CPEB4: variants seen among roughly 807,000 people sequenced by gnomAD.
The protein encoded by CPEB4 is cytoplasmic polyadenylation element binding protein 4.
In CPEB4, 12 loss-of-function variants were observed where a neutral mutation model predicts 72.5. That is an observed-to-expected ratio of 0.17 (90% confidence interval 0.11 to 0.27). The LOEUF (loss-of-function observed/expected upper bound fraction) is 0.27, where lower values mean the gene tolerates loss of function less well. Among genes scored for constraint, CPEB4 ranks in the 10% least tolerant of loss-of-function variants. The pLI, the probability that CPEB4 is intolerant of heterozygous loss-of-function variation, is 1.00. For synonymous variants in CPEB4, 302 were observed against 326.3 expected, an observed-to-expected ratio of 0.93 and a Z score of 0.80; for missense variants, 614 against 908.5, an observed-to-expected ratio of 0.68 and a Z score of 4.17.
chr5:173,912,167 C>G (rs1581125285), intron 2 of CPEB4, among the ~76,000 whole-genome samples: 1 of 152,090 alleles, frequency 6.6e-6, no homozygotes, highest in South Asian at 2.1e-4. Context: ...GAAAGATGAT[C>G]TCCCACTCAG....
chr5:173,912,180 T>C (rs890148599), intron 2 of CPEB4, among the ~76,000 whole-genome samples: 2 of 152,170 alleles, frequency 1.3e-5, no homozygotes, highest in Non-Finnish European at 2.9e-5. Context: ...CCACTCAGAA[T>C]TGGCTTTATT....
chr5:173,935,504 A>G (rs1469576200), intron 3 of CPEB4, among the ~76,000 whole-genome samples: 2 of 152,242 alleles, frequency 1.3e-5, no homozygotes, highest in African/African-American at 2.4e-5. Context: ...TTATATAGCC[A>G]CTCTGCTTTG....
intron 2 of CPEB4, among the ~76,000 whole-genome samples, chr5:173,916,539 T>C (rs993404275): frequency 1.3e-5 from 2 of 152,252 alleles, no homozygotes; most frequent in African/African-American, 2.4e-5. Context: ...AAAAATGCTA[T>C]GTATTTAATT....
In CPEB4 at chr5:173,952,013, T is replaced by C. The variant is rs1256352490; in HGVS notation, c.1780+75T>C. Reference sequence around the variant, plus strand: ...GAAGATCTTCAGGATAAATTTTTCCTAAGAATTGGAGTTAATATCCAAGAG... The same window carrying C: ...GAAGATCTTCAGGATAAATTTTTCCCAAGAATTGGAGTTAATATCCAAGAG... On this transcript the variant is annotated intron_variant, in intron 8 of 9. Transcript: ENST00000265085. 2.9e-6 allele frequency: 3 copies of C among 1,019,430 alleles called. No homozygotes were observed. In the African/African-American group the frequency reaches 4.7e-5, roughly 16 times the overall value. The allele number at this position is 1,019,430 out of a possible 1,614,324, so 63.1% of individuals were successfully genotyped here. A position where few individuals can be genotyped will look rare whatever the true frequency, so the allele number is the denominator to read the frequency against.
At chr5:173,919,899 T>C (rs1757012858) in intron 2 of CPEB4, among the ~76,000 whole-genome samples, 1 of 152,200 alleles carries the variant, frequency 6.6e-6, no homozygotes, top group Admixed American at 6.5e-5. Context: ...ATTTCTTGTT[T>C]TTCCCCCTCA....
chr5:173,888,579 A>G lies in CPEB4; in HGVS notation c.-1155A>G. On this transcript the variant is annotated 5_prime_UTR_variant, in exon 1 of 10. Transcript: ENST00000265085. The surrounding 1 kb of genome is among the most constrained non-coding windows in gnomAD (Gnocchi z 4.3). ...GCCCAGCAACCGTGAGGAGAAACAA[A>G]AGCCTTCTAAATTATAGTTTAAAAA... 2.5e-6 allele frequency: 1 copy of G among 402,666 alleles called. No individual in the cohort carries two copies. Among genetic ancestry groups the G allele is most frequent in the Non-Finnish European group, 4.4e-6 (1 of 228,720 alleles). The allele number at this position is 402,666 out of a possible 1,614,324, so 24.9% of individuals were successfully genotyped here.
At chr5:173,932,916 A>G (rs1395087214) in intron 3 of CPEB4, among the ~76,000 whole-genome samples, 9 of 152,218 alleles carry the variant, frequency 5.9e-5, no homozygotes, top group Admixed American at 5.9e-4. Flanking sequence ...ATTGCATAGG[A>G]CAAGGTCATT....
rs1249648385 is a variant in CPEB4, at chr5:173,944,976, C to A, written c.1292C>A (p.Ser431Ter). ...RTYGRRRGQS[S>*]LFPMEDGFLD... is the part of the protein sequence containing the mutation. ...CTGCTTTCTATTCCAGGTCAGTCTT[C>A]ACTGTTTCCAATGGAAGATGGATTC... is the stretch of plus-strand genomic sequence containing the variant. The change falls in exon 5 of 10, where the codon TCA becomes TAA. Residue 431 changes from serine to a stop codon, truncating the protein, a stop_gained. Coordinates refer to ENST00000265085, the MANE Select transcript of CPEB4 (RefSeq NM_030627.4). LOFTEE classifies it high-confidence loss of function. The A allele has an allele frequency of 6.2e-7, 1 of 1,612,110 alleles. No individual in the cohort carries two copies. The highest frequency in any genetic ancestry group is 2.2e-5 in the East Asian group (1 of 44,842).
chr5:173,895,817 T>A (rs1755986166), intron 1 of CPEB4, among the ~76,000 whole-genome samples: 1 of 152,104 alleles, frequency 6.6e-6, no homozygotes, highest in Admixed American at 6.6e-5. Flanking sequence ...AATTCCAGGG[T>A]AGAGTTTTTT....
At chr5:173,918,634 C>T (rs1261817267) in intron 2 of CPEB4, among the ~76,000 whole-genome samples, 1 of 152,188 alleles carries the variant, frequency 6.6e-6, no homozygotes, top group Non-Finnish European at 1.5e-5. Flanking sequence ...AAACTAAATG[C>T]ATCTTGTGCA....
At chr5:173,912,809 A>G (rs1300237393) in intron 2 of CPEB4, among the ~76,000 whole-genome samples, 3 of 150,556 alleles carry the variant, frequency 2.0e-5, no homozygotes, top group Non-Finnish European at 3.0e-5. Flanking sequence ...AGGCATAGCA[A>G]CCCACACCTA....
intron 3 of CPEB4, 49 bp downstream of exon 3, chr5:173,932,549 T>A: frequency 7.2e-7 from 1 of 1,390,302 alleles, no homozygotes; most frequent in Non-Finnish European, 1.0e-6. Flanking sequence ...ACTGATACAG[T>A]AGTTGTGCTT....
intron 2 of CPEB4, chr5:173,910,818 C>T (rs1016029446): frequency 7.5e-5 from 36 of 479,052 alleles, no homozygotes; most frequent in Middle Eastern, 1.0e-3. Context: ...AAGAGTACTA[C>T]GTGAGTACTA....
intron 3 of CPEB4, among the ~76,000 whole-genome samples, chr5:173,942,558 T>C (rs540673721): frequency 2.6e-4 from 40 of 152,362 alleles, no homozygotes; most frequent in Admixed American, 1.4e-3. Context: ...GTTATGATTT[T>C]CTCTTATAAG....
intron 8 of CPEB4, 26 bp downstream of exon 8, chr5:173,951,964 T>G: frequency 2.8e-6 from 4 of 1,417,126 alleles, no homozygotes; most frequent in Non-Finnish European, 4.0e-6. Context: ...CGACAAACTC[T>G]CTACCCTATA....
intron 1 of CPEB4, among the ~76,000 whole-genome samples, chr5:173,899,947 T>C (rs570525426): frequency 6.6e-6 from 1 of 151,782 alleles, no homozygotes; most frequent in Admixed American, 6.6e-5. Flanking sequence ...TGTTGAGGAG[T>C]GCCTTCTGCC....
chr5:173,915,144 A>G (rs1171579208), intron 2 of CPEB4, among the ~76,000 whole-genome samples: 3 of 152,190 alleles, frequency 2.0e-5, no homozygotes, highest in Non-Finnish European at 4.4e-5. Context: ...TATTTTTACT[A>G]TCAACAAAAT....
intron 5 of CPEB4, 140 bp downstream of exon 5, chr5:173,945,280 C>G (rs1757981000): frequency 1.5e-6 from 1 of 673,520 alleles, no homozygotes; most frequent in African/African-American, 1.8e-5. Flanking sequence ...ATCCTCCTAT[C>G]ATGGCATATA....
chr5:173,953,994 T>G (rs1416109549), intron 9 of CPEB4, among the ~76,000 whole-genome samples: 1 of 152,136 alleles, frequency 6.6e-6, no homozygotes, highest in Admixed American at 6.5e-5. Flanking sequence ...GGGCACAATG[T>G]TTGGTCCAGC....
Sources: allele counts gnomAD v4.1 joint callset (sites outside exome capture counted in the v4.1 genomes callset), GRCh38; gene constraint gnomAD v4.1.1; non-coding constraint Gnocchi (gnomAD v3.1); transcripts MANE v1.5; gene names NCBI Gene and HGNC (gene_info 2026-07-23, HGNC 2026-07-21).